SLC41A3: variants seen among roughly 807,000 people sequenced by gnomAD.
The protein encoded by SLC41A3 is SLC41A1-like 2.
A neutral mutation model predicts 45.4 loss-of-function variants in SLC41A3; 44 were observed. The observed-to-expected ratio is 0.97, with a 90% CI of 0.76 to 1.25. SLC41A3 has a LOEUF of 1.25. Among genes scored for constraint, SLC41A3 ranks in the 50% most tolerant of loss-of-function variants. SLC41A3 has a pLI of 0.00. For missense variants in SLC41A3, 550 were observed against 600.6 expected (o/e 0.92, Z 0.88); for synonymous variants, 256 against 252.4 (o/e 1.01, Z -0.13).
chr3:126,059,796 C>CA (rs1419503926), intron 2 of SLC41A3, among the ~76,000 whole-genome samples: 1 of 152,150 alleles, frequency 6.6e-6, no homozygotes, highest in East Asian at 1.9e-4. Flanking sequence ...TGGTTAAAGA[C>CA]AGAGTCCTCT....
chr3:126,050,414 G>A (rs537484450), intron 3 of SLC41A3, among the ~76,000 whole-genome samples: 6 of 152,336 alleles, frequency 3.9e-5, no homozygotes, highest in African/African-American at 1.4e-4. Flanking sequence ...CTGGGAAGGT[G>A]TGAGAAGAGC....
intron 2 of SLC41A3, among the ~76,000 whole-genome samples, chr3:126,053,164 A>C (rs1943450756): frequency 6.6e-6 from 1 of 152,176 alleles, no homozygotes; most frequent in Non-Finnish European, 1.5e-5. Context: ...CCAAAACATG[A>C]CTGTATTTGG....
chr3:126,048,669 G>GT (rs1347403898), intron 3 of SLC41A3, among the ~76,000 whole-genome samples: 4 of 152,142 alleles, frequency 2.6e-5, no homozygotes, highest in African/African-American at 7.2e-5. Context: ...TGCACTAAGA[G>GT]TATCTTTGTA....
Position 126,026,447 on chromosome 3 carries a change from A to T in SLC41A3, c.486T>A (p.Ala162=). The change falls in exon 5 of 11, where the codon GCT becomes GCA. Residue 162 remains alanine (A), a synonymous_variant. Transcript: ENST00000360370. The surrounding 1 kb of genome is among the most constrained non-coding windows in gnomAD (Gnocchi z 4.2). ...CCACGCCCAACAGCAGCGCAGCCACAGCAGCCAAGAGCCCCACGACAGTGG... is the reference window on the plus strand; with the variant it reads ...CCACGCCCAACAGCAGCGCAGCCACTGCAGCCAAGAGCCCCACGACAGTGG... ...VQATVVGLLA[A]VAALLLGVVS... The T allele has an allele frequency of 1.2e-6, 2 of 1,603,068 alleles. No individual in the cohort carries two copies. Among genetic ancestry groups the T allele is most frequent in the Non-Finnish European group, 1.7e-6 (2 of 1,174,654 alleles).
intron 1 of SLC41A3, among the ~76,000 whole-genome samples, chr3:126,071,281 C>G (rs994636199): frequency 6.6e-6 from 1 of 151,996 alleles, no homozygotes; most frequent in African/African-American, 2.4e-5. Flanking sequence ...GCAAAACAGA[C>G]ATAAAAACAA....
chr3:126,067,591 G>A, intron 2 of SLC41A3: 1 of 464,754 alleles, frequency 2.2e-6, no homozygotes, highest in Non-Finnish European at 4.3e-6. Flanking sequence ...CTAGAACTGT[G>A]TGAAAATAAA....
chr3:126,046,094 C>A (rs760437298), intron 3 of SLC41A3, among the ~76,000 whole-genome samples: 1 of 151,146 alleles, frequency 6.6e-6, no homozygotes, highest in Non-Finnish European at 1.5e-5. Context: ...AAGGAAACTA[C>A]CTCAACATAA....
At chr3:126,033,950 G>GCA (rs1264506777) in intron 3 of SLC41A3, among the ~76,000 whole-genome samples, 1 of 151,414 alleles carries the variant, frequency 6.6e-6, no homozygotes, top group African/African-American at 2.4e-5. Context: ...TGCACCACCT[G>GCA]CACACACACA....
intron 2 of SLC41A3, among the ~76,000 whole-genome samples, chr3:126,067,024 A>T (rs1944377825): frequency 7.6e-6 from 1 of 131,672 alleles, no homozygotes; most frequent in Non-Finnish European, 1.7e-5. Flanking sequence ...GACAGGCAAA[A>T]TATCTGTGTC....
rs115450774 is a variant in SLC41A3, at chr3:126,048,842, T to A, written c.381+2101A>T. Among the ~76,000 whole-genome samples, 295 of 152,244 alleles carry A rather than the reference T, an allele frequency of 1.9e-3. 1 individual carries two copies. The highest frequency in any genetic ancestry group is 6.9e-3 in the African/African-American group (287 of 41,524). On this transcript the variant is annotated intron_variant, in intron 3 of 10. Transcript: ENST00000360370. ...CTAGGGTCACAGCTACACAGGTGTATGTATTCGTCAAAAGTCATTGACCTG... is the reference window on the plus strand; with the variant it reads ...CTAGGGTCACAGCTACACAGGTGTAAGTATTCGTCAAAAGTCATTGACCTG...
intron 9 of SLC41A3, 68 bp downstream of exon 9, chr3:126,012,547 C>T (rs1312579590): frequency 6.3e-7 from 1 of 1,592,536 alleles, no homozygotes; most frequent in East Asian, 2.2e-5. Context: ...ACACCAGATT[C>T]CAATGACACC....
chr3:126,022,014 A>C lies in SLC41A3; in HGVS notation c.745+772T>G, dbSNP rs73861646. On this transcript the variant is annotated intron_variant, in intron 6 of 10. Coordinates refer to ENST00000360370, the MANE Select transcript of SLC41A3 (RefSeq NM_017836.4). The stretch of plus-strand genomic sequence containing the variant: ...CCTTTAAACAACTGCCCAGGCATGG[A>C]TGTGGGGGGCGTGACTGAAGCAAAC... Among the ~76,000 whole-genome samples, 2,250 of 152,324 alleles carry C rather than the reference A, an allele frequency of 0.015. 67 individuals carry two copies. In the East Asian group the frequency reaches 0.15, roughly 10 times the overall value.
At chr3:126,061,007 T>C (rs1342760467) in intron 2 of SLC41A3, among the ~76,000 whole-genome samples, 2 of 152,214 alleles carry the variant, frequency 1.3e-5, no homozygotes, top group African/African-American at 4.8e-5. Flanking sequence ...CACCACCTCG[T>C]TCTTACTGGG....
upstream of SLC41A3, among the ~76,000 whole-genome samples, chr3:126,087,546 T>C (rs983508766): frequency 2.0e-5 from 3 of 151,906 alleles, no homozygotes; most frequent in Admixed American, 6.5e-5. Flanking sequence ...AGGTTATGTA[T>C]AAAACAAGGT....
intron 3 of SLC41A3, among the ~76,000 whole-genome samples, chr3:126,047,688 A>G (rs373120950): frequency 7.9e-5 from 12 of 152,250 alleles, no homozygotes; most frequent in African/African-American, 2.7e-4. Flanking sequence ...CGAAATATCC[A>G]CATGCAAAAG....
In SLC41A3 at chr3:126,033,532, T is replaced by C. The variant is rs1277545639; in HGVS notation, c.453+75A>G. ...CAGAGTGCAGGGACAAGAGCTCGCTTAGCCTTCACCCTTCCCACCTGGGGA... is the reference window on the plus strand; with the variant it reads ...CAGAGTGCAGGGACAAGAGCTCGCTCAGCCTTCACCCTTCCCACCTGGGGA... On this transcript the variant is annotated intron_variant, in intron 4 of 10. Coordinates refer to ENST00000360370, the MANE Select transcript of SLC41A3 (RefSeq NM_017836.4). 3 of 1,519,464 alleles carry C rather than the reference T, an allele frequency of 2.0e-6. No individual in the cohort carries two copies. In the African/African-American group the frequency reaches 4.1e-5, roughly 21 times the overall value. The allele number at this position is 1,519,464 out of a possible 1,614,324, so 94.1% of individuals were successfully genotyped here. A position where few individuals can be genotyped will look rare whatever the true frequency, so the allele number is the denominator to read the frequency against.
upstream of SLC41A3, among the ~76,000 whole-genome samples, chr3:126,085,157 T>C (rs1945351351): frequency 6.6e-6 from 1 of 152,190 alleles, no homozygotes; most frequent in Non-Finnish European, 1.5e-5. Context: ...TCCCCCTCTT[T>C]GAGTTTTCCT....
At chr3:126,079,294 A>G (rs990156894) in intron 1 of SLC41A3, among the ~76,000 whole-genome samples, 2 of 152,028 alleles carry the variant, frequency 1.3e-5, no homozygotes, top group Non-Finnish European at 2.9e-5. Context: ...ACACACACAC[A>G]CACACACACA....
rs78447886 is a variant in SLC41A3 at position 126,017,521 on chromosome 3, G to A, written c.746-646C>T. On this transcript the variant is annotated intron_variant, in intron 6 of 10. Transcript: ENST00000360370. ...CAGGTGCTGGATCAGTCACTGCTGC[G>A]GGGGCCCAGGACAAGCCTGACACAC... Among the ~76,000 whole-genome samples, 868 of 152,330 alleles carry A rather than the reference G, an allele frequency of 5.7e-3. 10 individuals are homozygous for A. Among genetic ancestry groups the A allele is most frequent in the African/African-American group, 0.02 (829 of 41,578 alleles).
Sources: allele counts gnomAD v4.1 joint callset (sites outside exome capture counted in the v4.1 genomes callset), GRCh38; gene constraint gnomAD v4.1.1; non-coding constraint Gnocchi (gnomAD v3.1); transcripts MANE v1.5; gene names NCBI Gene and HGNC (gene_info 2026-07-23, HGNC 2026-07-21).